The following BMPR1B variants were observed in gnomAD, a reference collection of about 807,000 sequenced individuals.
The protein encoded by BMPR1B is bone morphogenetic protein receptor type 1B.
BMPR1B carries 12 observed loss-of-function variants against 59.1 expected under a neutral mutation model. The ratio of observed to expected loss-of-function variants is 0.20; its 90% CI spans 0.13 to 0.33. The LOEUF (loss-of-function observed/expected upper bound fraction) is 0.33. Ranked by LOEUF, BMPR1B falls within the 10% of genes least tolerant of loss-of-function variation. BMPR1B has a pLI of 1.00. For missense variants in BMPR1B, 550 were observed against 610.9 expected (o/e 0.90, Z 1.05); for synonymous variants, 237 against 207.3 (o/e 1.14, Z -1.23).
chr4:94,936,211 T>C (rs538989767), intron 2 of BMPR1B, among the ~76,000 whole-genome samples: 3 of 152,144 alleles, frequency 2.0e-5, no homozygotes, highest in Non-Finnish European at 4.4e-5. Context: ...AGAAATTAAA[T>C]CATTAATGTT....
Position 94,847,166 on chromosome 4 carries a change from A to G in BMPR1B, c.-182-28665A>G, listed in dbSNP as rs180751770. On this transcript the variant is annotated intron_variant, in intron 1 of 12. Coordinates refer to ENST00000515059, the MANE Select transcript of BMPR1B (RefSeq NM_001203.3). ...TTTCTCAAAAGACATACAAATGGCA[A>G]ACAGGTATATAAAAAGGTGCTAGAC... Among the ~76,000 whole-genome samples, 22 of 152,340 alleles carry G rather than the reference A, an allele frequency of 1.4e-4. No individual in the cohort carries two copies. The East Asian group carries it at 2.9e-3, about 20-fold the overall frequency.
At chr4:94,841,527 A>C (rs529191793) in intron 1 of BMPR1B, among the ~76,000 whole-genome samples, 2 of 152,286 alleles carry the variant, frequency 1.3e-5, no homozygotes, top group South Asian at 4.1e-4. Context: ...CCGATTTTCC[A>C]GGTGCCATCC....
chr4:94,864,205 A>G (rs1308883579), intron 1 of BMPR1B, among the ~76,000 whole-genome samples: 1 of 152,204 alleles, frequency 6.6e-6, no homozygotes, highest in African/African-American at 2.4e-5. Context: ...TTCGACCAGT[A>G]TAATTACTGG....
chr4:95,049,793 A>C (rs1201187373), intron 3 of BMPR1B, among the ~76,000 whole-genome samples: 3 of 151,800 alleles, frequency 2.0e-5, no homozygotes, highest in Non-Finnish European at 4.4e-5. Context: ...TCATCTTAAA[A>C]TGTCTTACAT....
chr4:95,028,631 A>C (rs998820110), intron 3 of BMPR1B, among the ~76,000 whole-genome samples: 14 of 152,172 alleles, frequency 9.2e-5, no homozygotes, highest in African/African-American at 3.4e-4. Flanking sequence ...TTGGCATATT[A>C]CTATAAAATT....
chr4:94,869,095 A>AACACAC lies in BMPR1B; in HGVS notation c.-182-6693_-182-6688dup, dbSNP rs59407857. ...TTGTTTGAATTAAATTTTACTATCAAACACACACACACACACACACACACA... is the reference window on the plus strand; with the variant it reads ...TTGTTTGAATTAAATTTTACTATCAAACACACACACACACACACACACACACACACA... On this transcript the variant is annotated intron_variant, in intron 1 of 12. Transcript: ENST00000515059. Among the ~76,000 whole-genome samples, 460 of 144,624 alleles carry AACACAC rather than the reference A, an allele frequency of 3.2e-3. 4 individuals are homozygous for AACACAC. The highest frequency in any genetic ancestry group is 9.8e-3 in the African/African-American group (386 of 39,206). The allele number at this position is 144,624 out of a possible 152,430, so 94.9% of individuals were successfully genotyped here.
At chr4:94,778,043 T>C (rs973598434) in intron 1 of BMPR1B, among the ~76,000 whole-genome samples, 11 of 151,970 alleles carry the variant, frequency 7.2e-5, no homozygotes, top group African/African-American at 1.9e-4. Flanking sequence ...AAAAAGTGTA[T>C]ATATATGTAT....
chr4:94,866,299 C>A (rs1049503337), intron 1 of BMPR1B, among the ~76,000 whole-genome samples: 2 of 152,170 alleles, frequency 1.3e-5, no homozygotes, highest in African/African-American at 2.4e-5. Context: ...CAGTTTCTGC[C>A]TTGTGTCAAC....
At chr4:94,918,186 T>A (rs78864621) in intron 2 of BMPR1B, among the ~76,000 whole-genome samples, 1,915 of 152,254 alleles carry the variant, frequency 0.013, 34 homozygotes, top group African/African-American at 0.044. Flanking sequence ...TACAAGTTTT[T>A]TTTCAATTAA....
chr4:95,017,590 A>G (rs937179033), intron 3 of BMPR1B, among the ~76,000 whole-genome samples: 1 of 152,332 alleles, frequency 6.6e-6, no homozygotes, highest in East Asian at 1.9e-4. Context: ...GGTGTTTCCT[A>G]GACAGATGAA....
intron 2 of BMPR1B, among the ~76,000 whole-genome samples, chr4:94,924,120 T>C (rs1186833407): frequency 6.6e-6 from 1 of 152,162 alleles, no homozygotes; most frequent in Non-Finnish European, 1.5e-5. Flanking sequence ...GACACATCTG[T>C]ATTACCCGTA....
At chr4:95,070,852 G>A (rs890754518) in intron 3 of BMPR1B, among the ~76,000 whole-genome samples, 22 of 152,178 alleles carry the variant, frequency 1.4e-4, no homozygotes, top group African/African-American at 4.6e-4. Context: ...AAGACAAAAC[G>A]CCTGAGTATC....
At chr4:95,007,846 C>A (rs189632071) in intron 3 of BMPR1B, among the ~76,000 whole-genome samples, 1 of 152,194 alleles carries the variant, frequency 6.6e-6, no homozygotes, top group African/African-American at 2.4e-5. Context: ...AATGTGTTAA[C>A]CCATACCAAA....
At chr4:94,866,565 A>G (rs147571536) in intron 1 of BMPR1B, among the ~76,000 whole-genome samples, 12 of 151,544 alleles carry the variant, frequency 7.9e-5, no homozygotes, top group African/African-American at 2.9e-4. Context: ...CTTACCACCA[A>G]TTCATTGCTT....
chr4:95,121,555 CAA>C, intron 6 of BMPR1B, among the ~76,000 whole-genome samples: 1 of 151,904 alleles, frequency 6.6e-6, no homozygotes, highest in African/African-American at 2.4e-5. Context: ...AATAAGTAAA[CAA>C]ATAAAAAATT....
rs565010412 is a variant in BMPR1B, at chr4:94,776,069, C to A, written c.-183+18001C>A. Among the ~76,000 whole-genome samples, 3 of 137,808 alleles carry A rather than the reference C, an allele frequency of 2.2e-5. No individual in the cohort carries two copies. The Admixed American group carries it at 2.5e-4, about 11-fold the overall frequency. 90.4% of individuals were successfully genotyped at this position (137,808 alleles called of 152,430 possible). On this transcript the variant is annotated intron_variant, in intron 1 of 12. Transcript: ENST00000515059. ...TGGTGCCACTGCACTCTAGCCTGGG[C>A]GACAGAGCAAGACTTGTCTCAAAAA...
chr4:94,998,296 A>G (rs1456725874), intron 3 of BMPR1B, among the ~76,000 whole-genome samples: 1 of 151,964 alleles, frequency 6.6e-6, no homozygotes, highest in African/African-American at 2.4e-5. Flanking sequence ...AGCTTGAAAT[A>G]TTAATATTAG....
At chr4:95,061,750 T>G (rs1727414940) in intron 3 of BMPR1B, among the ~76,000 whole-genome samples, 1 of 152,168 alleles carries the variant, frequency 6.6e-6, no homozygotes, top group African/African-American at 2.4e-5. Context: ...AGGATTGTTG[T>G]TTAGGCTGTA....
At chr4:95,076,793 AAC>A (rs941365838) in intron 3 of BMPR1B, among the ~76,000 whole-genome samples, 1 of 152,110 alleles carries the variant, frequency 6.6e-6, no homozygotes, top group Non-Finnish European at 1.5e-5. Flanking sequence ...TTAAAAAAGA[AAC>A]ACAATCAGAA....
Sources: allele counts gnomAD v4.1 joint callset (sites outside exome capture counted in the v4.1 genomes callset), GRCh38; gene constraint gnomAD v4.1.1; transcripts MANE v1.5; gene names NCBI Gene and HGNC (gene_info 2026-07-23, HGNC 2026-07-21).